The following KCNIP4 variants were observed in gnomAD, a reference collection of about 807,000 sequenced individuals.
KCNIP4 encodes the protein potassium voltage-gated channel interacting protein 4.
Under a neutral mutation model 34.0 loss-of-function variants are expected in KCNIP4, and 12 were observed. That is an observed-to-expected ratio of 0.35 (90% CI 0.23 to 0.57). The LOEUF (loss-of-function observed/expected upper bound fraction) is 0.57, where lower values mean the gene tolerates loss of function less well. Among genes scored for constraint, KCNIP4 ranks in the 20% least tolerant of loss-of-function variants. The pLI is 0.83. For missense variants in KCNIP4, 238 were observed against 311.7 expected, an observed-to-expected ratio of 0.76 and a Z score of 1.78; for synonymous variants, 124 against 102.2, an observed-to-expected ratio of 1.21 and a Z score of -1.29.
intron 1 of KCNIP4, among the ~76,000 whole-genome samples, chr4:20,972,809 A>C (rs531332049): frequency 4.6e-4 from 70 of 152,288 alleles, no homozygotes; most frequent in African/African-American, 1.5e-3. Flanking sequence ...AACTCTCATG[A>C]ATGATTTTGA....
At chr4:21,088,626 C>T (rs982513781) in intron 1 of KCNIP4, among the ~76,000 whole-genome samples, 1 of 152,152 alleles carries the variant, frequency 6.6e-6, no homozygotes, top group Non-Finnish European at 1.5e-5. Flanking sequence ...CCCAACTAAC[C>T]TTTCCATTTC....
At chr4:21,014,186 T>G (rs1739299472) in intron 1 of KCNIP4, among the ~76,000 whole-genome samples, 1 of 152,196 alleles carries the variant, frequency 6.6e-6, no homozygotes, top group South Asian at 2.1e-4. Context: ...GATAAGCAAA[T>G]GCAACATGAT....
rs946128413 is a variant in KCNIP4, at chr4:21,370,503, AC to A, written c.62-487795del. On this transcript the variant is annotated intron_variant, in intron 1 of 8. Transcript: ENST00000382152. Reference sequence around the variant, plus strand: ...AGAAGTTCATTATAAAGTAATATATACAACATATAATAAAGTATAAAAACCT... The same window carrying A: ...AGAAGTTCATTATAAAGTAATATATAAACATATAATAAAGTATAAAAACCT... 2.7e-4 allele frequency among the ~76,000 whole-genome samples: 40 copies of A among 145,508 alleles called. 9 individuals are homozygous for A. The highest frequency in any genetic ancestry group is 1.1e-3 in the African/African-American group (40 of 35,562).
At chr4:21,346,255 A>AATTCTATATATATAT (rs1717398653) in intron 1 of KCNIP4, among the ~76,000 whole-genome samples, 1 of 114,444 alleles carries the variant, frequency 8.7e-6, no homozygotes, top group African/African-American at 3.3e-5. Flanking sequence ...TTATATATAT[A>AATTCTATATATATAT]ATTCTATATA....
chr4:20,939,486 G>A (rs1421418456), intron 1 of KCNIP4, among the ~76,000 whole-genome samples: 1 of 152,036 alleles, frequency 6.6e-6, no homozygotes, highest in African/African-American at 2.4e-5. Context: ...CGATTCTCCT[G>A]CCTCAGTCTC....
At chr4:20,951,783 C>A (rs952278455) in intron 1 of KCNIP4, among the ~76,000 whole-genome samples, 2 of 152,154 alleles carry the variant, frequency 1.3e-5, no homozygotes, top group South Asian at 2.1e-4. Flanking sequence ...GAAGAAAAAT[C>A]TGGGTTTACT....
In KCNIP4 at chr4:21,915,226, T is replaced by C. The variant is rs144058479; in HGVS notation, c.61+33345A>G. Among the ~76,000 whole-genome samples the C allele has an allele frequency of 2.2e-3, 330 of 152,224 alleles. 3 individuals are homozygous for C. The highest frequency in any genetic ancestry group is 1.6e-3 in the Non-Finnish European group (106 of 68,022). On this transcript the variant is annotated intron_variant, in intron 1 of 8. Transcript: ENST00000382152. ...TGCCAGTGTTACAATAAAATTTTAC[T>C]CACAAAATTGGCTGAAATTGGCCAG...
chr4:21,800,487 G>T (rs1720919702), intron 1 of KCNIP4, among the ~76,000 whole-genome samples: 2 of 151,936 alleles, frequency 1.3e-5, no homozygotes, highest in African/African-American at 4.8e-5. Flanking sequence ...CATTTCTAAA[G>T]AACTAAAATA....
At chr4:21,273,421 G>C (rs1762268413) in intron 1 of KCNIP4, among the ~76,000 whole-genome samples, 1 of 152,038 alleles carries the variant, frequency 6.6e-6, no homozygotes, top group African/African-American at 2.4e-5. Context: ...TCCTATCTCA[G>C]TGAAAGCCAT....
intron 1 of KCNIP4, among the ~76,000 whole-genome samples, chr4:21,804,895 G>T (rs1300558759): frequency 6.6e-6 from 1 of 152,066 alleles, no homozygotes; most frequent in Non-Finnish European, 1.5e-5. Flanking sequence ...AGAACGCTAA[G>T]AACAAATTTA....
At chr4:20,909,537 G>A (rs953544667) in intron 1 of KCNIP4, among the ~76,000 whole-genome samples, 2 of 152,074 alleles carry the variant, frequency 1.3e-5, no homozygotes, top group Non-Finnish European at 2.9e-5. Flanking sequence ...CTTCCATTAG[G>A]GAGCTTGGAG....
At chr4:21,479,921 T>A (rs182846120) in intron 1 of KCNIP4, among the ~76,000 whole-genome samples, 1 of 151,856 alleles carries the variant, frequency 6.6e-6, no homozygotes, top group African/African-American at 2.4e-5. Flanking sequence ...GAAGTGAGAA[T>A]ATTAGGAATG....
At chr4:20,833,619 G>A (rs1718687170) in intron 3 of KCNIP4, among the ~76,000 whole-genome samples, 2 of 151,984 alleles carry the variant, frequency 1.3e-5, no homozygotes, top group Non-Finnish European at 2.9e-5. Flanking sequence ...TTCTAACACG[G>A]TATTTCATAC....
chr4:21,432,137 T>C (rs1248927428), intron 1 of KCNIP4, among the ~76,000 whole-genome samples: 15 of 112,218 alleles, frequency 1.3e-4, no homozygotes, highest in East Asian at 2.6e-4. Flanking sequence ...TATATATATA[T>C]ACAATCTCCT....
chr4:21,336,340 CCCTAGAGTTACCTTTA>C (rs1716178658), intron 1 of KCNIP4, among the ~76,000 whole-genome samples: 2 of 151,988 alleles, frequency 1.3e-5, no homozygotes, highest in Admixed American at 1.3e-4. Flanking sequence ...CTGAGGGGTT[CCCTAGAGTTACCTTTA>C]CCTAGAGTTT....
intron 1 of KCNIP4, among the ~76,000 whole-genome samples, chr4:21,616,520 T>C (rs1445634169): frequency 6.6e-6 from 1 of 152,218 alleles, no homozygotes; most frequent in Non-Finnish European, 1.5e-5. Context: ...TCGTAACAAA[T>C]TACCACAAAC....
At chr4:21,711,798 T>C (rs1194712843) in intron 1 of KCNIP4, among the ~76,000 whole-genome samples, 2 of 152,202 alleles carry the variant, frequency 1.3e-5, no homozygotes, top group Non-Finnish European at 2.9e-5. Flanking sequence ...ATCCCAATGA[T>C]ATCTACTTAT....
intron 1 of KCNIP4, among the ~76,000 whole-genome samples, chr4:21,225,072 A>G (rs1254393804): frequency 6.6e-6 from 1 of 152,164 alleles, no homozygotes; most frequent in Non-Finnish European, 1.5e-5. Flanking sequence ...TTAAGCTATG[A>G]TATCTGGTAA....
chr4:21,762,314 G>A (rs959878720), intron 1 of KCNIP4, among the ~76,000 whole-genome samples: 22 of 151,846 alleles, frequency 1.4e-4, no homozygotes, highest in African/African-American at 5.3e-4. Context: ...TCCCAATTTG[G>A]ACCAGTTACA....
Sources: allele counts gnomAD v4.1 joint callset (sites outside exome capture counted in the v4.1 genomes callset), GRCh38; gene constraint gnomAD v4.1.1; transcripts MANE v1.5; gene names NCBI Gene and HGNC (gene_info 2026-07-23, HGNC 2026-07-21).